SOX5: variants seen among roughly 807,000 people sequenced by gnomAD.
SOX5 encodes SRY-box transcription factor 5, also known as transcription factor SOX-5.
SOX5 carries 9 observed loss-of-function variants against 92.0 expected under a neutral mutation model. The ratio of observed to expected loss-of-function variants is 0.10; its 90% CI spans 0.06 to 0.17. The LOEUF (loss-of-function observed/expected upper bound fraction) is 0.17. SOX5 is among the 10% of genes least tolerant of loss of function. The pLI is 1.00. For missense variants in SOX5, 642 were observed against 944.5 expected, an observed-to-expected ratio of 0.68 and a Z score of 4.20; for synonymous variants, 344 against 336.3, an observed-to-expected ratio of 1.02 and a Z score of -0.25.
At chr12:24,487,902 C>T (rs527739039) in intron 1 of SOX5, among the ~76,000 whole-genome samples, 12 of 152,050 alleles carry the variant, frequency 7.9e-5, no homozygotes, top group South Asian at 2.1e-4. Context: ...GTTCAGACAA[C>T]GCAAGGATTC....
chr12:24,424,671 T>G (rs568815066), intron 1 of SOX5, among the ~76,000 whole-genome samples: 1 of 152,322 alleles, frequency 6.6e-6, no homozygotes, highest in East Asian at 1.9e-4. Context: ...CCCCTCCTTT[T>G]CTGTCACTTC....
At chr12:23,680,091 T>G (rs2086338521) in intron 6 of SOX5, among the ~76,000 whole-genome samples, 2 of 151,456 alleles carry the variant, frequency 1.3e-5, no homozygotes, top group Non-Finnish European at 2.9e-5. Flanking sequence ...TTTGGGAGGC[T>G]GAGGTGGGCA....
At chr12:23,711,853 A>C (rs2092082573) in intron 6 of SOX5, among the ~76,000 whole-genome samples, 1 of 152,186 alleles carries the variant, frequency 6.6e-6, no homozygotes, top group Non-Finnish European at 1.5e-5. Context: ...CATGATCATC[A>C]CCACAAAGAT....
At chr12:23,621,644 G>C (rs1438514731) in intron 8 of SOX5, among the ~76,000 whole-genome samples, 1 of 151,980 alleles carries the variant, frequency 6.6e-6, no homozygotes, top group Non-Finnish European at 1.5e-5. Context: ...AGTAAAAGAA[G>C]GTTGGAAATA....
At chr12:23,681,287 C>T (rs2086585065) in intron 6 of SOX5, among the ~76,000 whole-genome samples, 1 of 151,198 alleles carries the variant, frequency 6.6e-6, no homozygotes, top group Non-Finnish European at 1.5e-5. Flanking sequence ...GTAGATAATA[C>T]CCAAACTGAT....
chr12:23,899,349 C>T (rs748069975), intron 1 of SOX5, among the ~76,000 whole-genome samples: 2 of 148,028 alleles, frequency 1.4e-5, no homozygotes, highest in Non-Finnish European at 3.0e-5. Context: ...TGTAGTGAGC[C>T]GAGATCACAC....
At chr12:24,082,384 A>G (rs12372757) in intron 4 of SOX5, among the ~76,000 whole-genome samples, 13,317 of 121,256 alleles carry the variant, frequency 0.11, 644 homozygotes, top group Middle Eastern at 0.14. Flanking sequence ...TTCTCTCACC[A>G]GGGCTGCTCC....
intron 3 of SOX5, among the ~76,000 whole-genome samples, chr12:23,835,987 C>T (rs923220977): frequency 6.6e-6 from 1 of 151,572 alleles, no homozygotes; most frequent in East Asian, 1.9e-4. Flanking sequence ...AGGTTTTCAT[C>T]GAGATTGAAA....
intron 1 of SOX5, among the ~76,000 whole-genome samples, chr12:24,420,564 T>C (rs1965758648): frequency 6.6e-6 from 1 of 152,164 alleles, no homozygotes; most frequent in African/African-American, 2.4e-5. Flanking sequence ...ATTCATTATT[T>C]TGAGAACTGG....
At chr12:23,956,062 G>A (rs1268841046) in intron 4 of SOX5, among the ~76,000 whole-genome samples, 2 of 152,092 alleles carry the variant, frequency 1.3e-5, no homozygotes, top group East Asian at 3.9e-4. Context: ...AATCAGAGGA[G>A]AAATGAGAGT....
At chr12:23,622,252 G>C (rs1177365419) in intron 8 of SOX5, among the ~76,000 whole-genome samples, 1 of 151,764 alleles carries the variant, frequency 6.6e-6, no homozygotes, top group African/African-American at 2.4e-5. Context: ...TGAGGGTTTG[G>C]TGTATATTTT....
At chr12:23,591,145 A>C (rs1246425651) in intron 9 of SOX5, among the ~76,000 whole-genome samples, 3 of 152,010 alleles carry the variant, frequency 2.0e-5, no homozygotes, top group African/African-American at 2.4e-5. Context: ...AGTTCACCTT[A>C]ACAATAGCTA....
At chr12:23,732,819 C>T (rs928864069) in intron 6 of SOX5, among the ~76,000 whole-genome samples, 11 of 152,138 alleles carry the variant, frequency 7.2e-5, no homozygotes, top group African/African-American at 2.7e-4. Flanking sequence ...ATTGTGTGGT[C>T]TTGGGCATGT....
chr12:24,152,013 A>G (rs1951706896), intron 4 of SOX5, among the ~76,000 whole-genome samples: 1 of 152,190 alleles, frequency 6.6e-6, no homozygotes, highest in Admixed American at 6.6e-5. Context: ...AATTCATTAA[A>G]AAGTATTCAA....
At chr12:24,516,149 C>G (rs1288408008) in intron 1 of SOX5, among the ~76,000 whole-genome samples, 1 of 151,426 alleles carries the variant, frequency 6.6e-6, no homozygotes, top group African/African-American at 2.4e-5. Flanking sequence ...CTAAAGCGAT[C>G]CTCCCACCTC....
chr12:24,553,833 C>T (rs1434016064), intron 1 of SOX5, among the ~76,000 whole-genome samples: 1 of 152,152 alleles, frequency 6.6e-6, no homozygotes, highest in Non-Finnish European at 1.5e-5. Flanking sequence ...AATAGAGGAC[C>T]TATGAAATTT....
At chr12:23,633,158 T>C (rs1258633667) in intron 8 of SOX5, among the ~76,000 whole-genome samples, 2 of 152,076 alleles carry the variant, frequency 1.3e-5, no homozygotes, top group Non-Finnish European at 2.9e-5. Context: ...CCAAGACAAA[T>C]ACAGTATTTA....
chr12:23,555,622 G>T (rs1168799214), intron 11 of SOX5, among the ~76,000 whole-genome samples: 4 of 152,122 alleles, frequency 2.6e-5, no homozygotes, highest in Non-Finnish European at 5.9e-5. Flanking sequence ...CTAAGAGAAA[G>T]AAAAAGTCTT....
chr12:24,513,577 C>A (rs1309605048), intron 1 of SOX5, among the ~76,000 whole-genome samples: 1 of 152,184 alleles, frequency 6.6e-6, no homozygotes, highest in South Asian at 2.1e-4. Flanking sequence ...GGCTTCTTTA[C>A]ATAATTTGTT....
Sources: allele counts gnomAD v4.1 joint callset (sites outside exome capture counted in the v4.1 genomes callset), GRCh38; gene constraint gnomAD v4.1.1; transcripts MANE v1.5; gene names NCBI Gene and HGNC (gene_info 2026-07-23, HGNC 2026-07-21).